The following ROS1 variants were observed in gnomAD, a reference collection of about 807,000 sequenced individuals.
ROS1 encodes the protein ROS proto-oncogene 1, receptor tyrosine kinase, also known as proto-oncogene tyrosine-protein kinase ROS.
ROS1 carries 263 observed loss-of-function variants against 273.5 expected under a neutral mutation model. That is an observed-to-expected ratio of 0.96 (90% CI 0.87 to 1.06). The LOEUF is 1.06. ROS1 is among the 50% of genes least tolerant of loss of function. The pLI is 0.00. For synonymous variants in ROS1, 1,008 were observed against 954.1 expected (o/e 1.06, Z -1.04); for missense variants, 2,833 against 2,751.1 (o/e 1.03, Z -0.67).
At chr6:117,425,210 G>A (rs1380252983) in intron 1 of ROS1, among the ~76,000 whole-genome samples, 1 of 152,248 alleles carries the variant, frequency 6.6e-6, no homozygotes, top group African/African-American at 2.4e-5. Flanking sequence ...AACTACTAAT[G>A]ACTTTGTAAT....
chr6:117,424,725 C>T (rs1047053460), intron 1 of ROS1, among the ~76,000 whole-genome samples: 9 of 152,052 alleles, frequency 5.9e-5, no homozygotes, highest in Admixed American at 6.6e-5. Flanking sequence ...TCTTTTTAAT[C>T]TGCCACATAA....
At chr6:117,397,358 T>A (rs997049698) in intron 7 of ROS1, among the ~76,000 whole-genome samples, 1 of 152,186 alleles carries the variant, frequency 6.6e-6, no homozygotes, top group Non-Finnish European at 1.5e-5. Flanking sequence ...TAAAATTAAA[T>A]ATAGTGTATA....
rs371733770 is a variant in ROS1, at chr6:117,415,940, G to T, written c.228+318C>A. Among the ~76,000 whole-genome samples, 5 of 152,038 alleles carry T rather than the reference G, an allele frequency of 3.3e-5. No homozygotes were observed. The South Asian group carries it at 6.3e-4, about 19-fold the overall frequency. On this transcript the variant is annotated intron_variant, in intron 3 of 43. Coordinates refer to ENST00000368507, the MANE Select transcript of ROS1 (RefSeq NM_001378902.1). ...ATAATTGCACACTAAAATTTGAGAC[G>T]CATAGGCCTAGGAAATTTAACAAAT...
At chr6:117,292,028 G>A (rs1292543867) in intron 43 of ROS1, among the ~76,000 whole-genome samples, 1 of 151,346 alleles carries the variant, frequency 6.6e-6, no homozygotes, top group East Asian at 1.9e-4. Context: ...GGAGTGCAGT[G>A]GTGCGATCTC....
intron 41 of ROS1, among the ~76,000 whole-genome samples, chr6:117,309,459 GA>G (rs1775370260): frequency 6.6e-6 from 1 of 152,136 alleles, no homozygotes; most frequent in African/African-American, 2.4e-5. Flanking sequence ...GTTTGCAGGG[GA>G]TAAAGTGCCA....
intron 18 of ROS1, among the ~76,000 whole-genome samples, chr6:117,376,288 A>G (rs1781322974): frequency 6.6e-6 from 1 of 152,164 alleles, no homozygotes; most frequent in African/African-American, 2.4e-5. Flanking sequence ...GAAAGCATGA[A>G]TTACCAAACT....
intron 42 of ROS1, among the ~76,000 whole-genome samples, chr6:117,308,286 T>C (rs1020057359): frequency 1.3e-5 from 2 of 152,166 alleles, no homozygotes; most frequent in Non-Finnish European, 2.9e-5. Context: ...TTTTTTGTTA[T>C]GTTCATAAAC....
chr6:117,297,639 T>C (rs1382280343), intron 43 of ROS1, among the ~76,000 whole-genome samples: 2 of 152,082 alleles, frequency 1.3e-5, no homozygotes, highest in Non-Finnish European at 2.9e-5. Context: ...TCCCTAATCA[T>C]CGGCGAAATG....
intron 21 of ROS1, among the ~76,000 whole-genome samples, chr6:117,363,768 A>G (rs1368314040): frequency 6.6e-6 from 1 of 152,136 alleles, no homozygotes; most frequent in Non-Finnish European, 1.5e-5. Flanking sequence ...TACTCACTCT[A>G]TGCCACTGCT....
At chr6:117,307,179 C>A (rs1170359476) in intron 42 of ROS1, among the ~76,000 whole-genome samples, 1 of 152,064 alleles carries the variant, frequency 6.6e-6, no homozygotes, top group African/African-American at 2.4e-5. Flanking sequence ...TTCTGCTCCA[C>A]AATACAGCAA....
At chr6:117,297,477 G>T (rs1229098013) in intron 43 of ROS1, among the ~76,000 whole-genome samples, 8 of 152,096 alleles carry the variant, frequency 5.3e-5, no homozygotes, top group Admixed American at 1.3e-4. Flanking sequence ...CTCAACAGGG[G>T]TCTAATATCC....
chr6:117,318,351 C>T lies in ROS1; in HGVS notation c.5923-99G>A, dbSNP rs1776063718. ...GTTCTGTTTGTTCTGTAATATCTAC[C>T]CTGAAAGCTGGAAACAGATCGTAGA... On this transcript the variant is annotated intron_variant, in intron 37 of 43. Coordinates refer to ENST00000368507, the MANE Select transcript of ROS1 (RefSeq NM_001378902.1). 4 of 859,286 alleles carry T rather than the reference C, an allele frequency of 4.7e-6. No homozygotes were observed. In the East Asian group the frequency reaches 1.0e-4, roughly 22 times the overall value. The allele number at this position is 859,286 out of a possible 1,614,324, so 53.2% of individuals were successfully genotyped here.
intron 7 of ROS1, among the ~76,000 whole-genome samples, chr6:117,399,518 G>T (rs1397583925): frequency 6.6e-6 from 1 of 152,186 alleles, no homozygotes; most frequent in Non-Finnish European, 1.5e-5. Flanking sequence ...CAGCTGCTCG[G>T]CTCTGCTTAG....
intron 1 of ROS1, 41 bp from the exon 2 acceptor site, chr6:117,418,547 C>A (rs1334940465): frequency 6.7e-7 from 1 of 1,502,544 alleles, no homozygotes. Context: ...GCCATCAGTA[C>A]TGGGTTCCGT....
chr6:117,352,119 C>T (rs1188184960), intron 27 of ROS1, among the ~76,000 whole-genome samples: 2 of 152,114 alleles, frequency 1.3e-5, no homozygotes, highest in Non-Finnish European at 2.9e-5. Flanking sequence ...CTCGCTCAGT[C>T]GCCCAGGCTG....
chr6:117,298,449 C>T (rs3798367), intron 43 of ROS1, among the ~76,000 whole-genome samples: 43,497 of 152,112 alleles, frequency 0.29, 6,732 homozygotes, highest in East Asian at 0.41. Context: ...AACCCAGTTA[C>T]TGATGTTTTT....
At chr6:117,402,888 CAAAAAAAAAAAAAAAAAGA>C (rs1774065382) in intron 7 of ROS1, among the ~76,000 whole-genome samples, 1 of 113,904 alleles carries the variant, frequency 8.8e-6, no homozygotes, top group Non-Finnish European at 1.9e-5. Flanking sequence ...ACTCTGTCTC[CAAAAAAAAAAAAAAAAAGA>C]AAAGAAAAGA....
chr6:117,331,939 T>C (rs1490910639), intron 32 of ROS1, among the ~76,000 whole-genome samples: 1 of 152,100 alleles, frequency 6.6e-6, no homozygotes, highest in African/African-American at 2.4e-5. Flanking sequence ...TCAACTAGCA[T>C]GCAAAATAAC....
chr6:117,338,094 T>C (rs1361668144), intron 31 of ROS1, among the ~76,000 whole-genome samples: 1 of 152,152 alleles, frequency 6.6e-6, no homozygotes, highest in Non-Finnish European at 1.5e-5. Context: ...TTGAAAATGA[T>C]AATTTCTTAA....
Sources: gnomAD v4.1 joint callset for allele counts (sites outside exome capture counted in the v4.1 genomes callset) on GRCh38, gnomAD v4.1.1 for gene constraint, MANE v1.5 for transcripts, NCBI Gene and HGNC (gene_info 2026-07-23, HGNC 2026-07-21) for gene names.